SYNE1: variants seen among roughly 807,000 people sequenced by gnomAD.
SYNE1 encodes the protein spectrin repeat containing nuclear envelope protein 1.
Under a neutral mutation model 1,111.0 loss-of-function variants are expected in SYNE1, and 616 were observed. The ratio of observed to expected loss-of-function variants is 0.55; its 90% CI spans 0.52 to 0.59. SYNE1 has a LOEUF of 0.59. Among genes scored for constraint, SYNE1 ranks in the 20% least tolerant of loss-of-function variants. The pLI, the probability that SYNE1 is intolerant of heterozygous loss-of-function variation, is 0.00. For synonymous variants in SYNE1, 3,855 were observed against 3,825.8 expected (o/e 1.01, Z -0.28); for missense variants, 10,006 against 10,417.0 (o/e 0.96, Z 1.72).
intron 47 of SYNE1, 26 bp from the exon 48 acceptor site, chr6:152,399,849 G>A: frequency 6.3e-7 from 1 of 1,598,382 alleles, no homozygotes; most frequent in Non-Finnish European, 8.6e-7. Context: ...ATATTATGAA[G>A]GATATTCATA....
At position 152,329,647 on chromosome 6, in the gene SYNE1, T is replaced by C. The variant is rs1035121113; in HGVS notation, c.14955+83A>G. ...CGAAAGAAATATTTAAAGAAGCAAT[T>C]ATAACCAAGCAAACGAATTTCTTGT... On this transcript the variant is annotated intron_variant, in intron 78 of 145. Transcript: ENST00000367255. 2.5e-6 allele frequency: 4 copies of C among 1,583,350 alleles called. No homozygotes were observed. In the South Asian group the frequency reaches 4.5e-5, roughly 18 times the overall value.
intron 3 of SYNE1, among the ~76,000 whole-genome samples, chr6:152,541,849 T>C (rs2099272467): frequency 6.6e-6 from 1 of 151,296 alleles, no homozygotes; most frequent in Non-Finnish European, 1.5e-5. Context: ...TTGGGTAATA[T>C]GCTCACTAAC....
intron 4 of SYNE1, among the ~76,000 whole-genome samples, chr6:152,532,803 T>C (rs552880344): frequency 1.6e-4 from 25 of 152,238 alleles, no homozygotes; most frequent in African/African-American, 5.8e-4. Flanking sequence ...AGATTGTATA[T>C]GTAGAAAAAT....
intron 63 of SYNE1, 28 bp downstream of exon 63, chr6:152,364,819 C>G (rs1275344357): frequency 6.2e-7 from 1 of 1,613,868 alleles, no homozygotes; most frequent in African/African-American, 1.3e-5. Context: ...TAATAGCTTC[C>G]CCAGTGCTTG....
At chr6:152,541,529 A>C (rs1404596619) in intron 3 of SYNE1, among the ~76,000 whole-genome samples, 1 of 152,030 alleles carries the variant, frequency 6.6e-6, no homozygotes, top group Non-Finnish European at 1.5e-5. Flanking sequence ...CAGGCAGATT[A>C]CGAGGTCAGG....
In SYNE1 at chr6:152,415,789, TAAAAAAAAAA is replaced by T. The variant is rs1209590450; in HGVS notation, c.6050+588_6050+597del. Among the ~76,000 whole-genome samples the T allele has an allele frequency of 6.6e-4, 48 of 73,038 alleles. 1 individual carries two copies. The South Asian group carries it at 0.015, about 23-fold the overall frequency. 47.9% of individuals were successfully genotyped at this position (73,038 alleles called of 152,430 possible). A position where few individuals can be genotyped will look rare whatever the true frequency, so the allele number is the denominator to read the frequency against. On this transcript the variant is annotated intron_variant, in intron 41 of 145. Coordinates refer to ENST00000367255, the MANE Select transcript of SYNE1 (RefSeq NM_182961.4). ...GTCGTTAATCTTATCTTCAAAGTGG[TAAAAAAAAAA>T]AAAAAAAAAAAAAAAAGAAGAGGAA...
rs11387272 is a variant in SYNE1, at chr6:152,606,976, C to CTTTTTTTT, written c.67+21288_67+21289insAAAAAAAA. ...GCAAAAGGAAAGGCATGCCTCGGTT[C>CTTTTTTTT]TCTTTTTTTTTTTTTTTTTTTTTTT... On this transcript the variant is annotated intron_variant, in intron 3 of 145. Transcript: ENST00000367255. Among the ~76,000 whole-genome samples the CTTTTTTTT allele has an allele frequency of 1.2e-4, 13 of 109,136 alleles. 1 individual carries two copies. The highest frequency in any genetic ancestry group is 3.0e-4 in the African/African-American group (8 of 26,812). The allele number at this position is 109,136 out of a possible 152,430, so 71.6% of individuals were successfully genotyped here. A position where few individuals can be genotyped will look rare whatever the true frequency, so the allele number is the denominator to read the frequency against.
chr6:152,605,359 G>A (rs1385226501), intron 3 of SYNE1, among the ~76,000 whole-genome samples: 1 of 151,476 alleles, frequency 6.6e-6, no homozygotes, highest in East Asian at 1.9e-4. Flanking sequence ...ATAAAAAATG[G>A]AATCATGTTT....
chr6:152,130,358 T>C (rs1349596343), intron 145 of SYNE1, among the ~76,000 whole-genome samples: 2 of 152,182 alleles, frequency 1.3e-5, no homozygotes, highest in African/African-American at 2.4e-5. Flanking sequence ...CACTGATCGA[T>C]TACCTGTCTT....
At chr6:152,319,340 C>T (rs374639699) in intron 84 of SYNE1, among the ~76,000 whole-genome samples, 5 of 152,316 alleles carry the variant, frequency 3.3e-5, no homozygotes, top group East Asian at 1.9e-4. Context: ...CATTAACTAA[C>T]GTAATGACCT....
chr6:152,565,669 T>TA (rs397886571), intron 3 of SYNE1, among the ~76,000 whole-genome samples: 3,768 of 141,640 alleles, frequency 0.027, 130 homozygotes, highest in African/African-American at 0.083. Context: ...TGCTGAAGTT[T>TA]AAAAAAAAAA....
chr6:152,403,252 T>C (rs2097848422), intron 46 of SYNE1, among the ~76,000 whole-genome samples: 1 of 152,196 alleles, frequency 6.6e-6, no homozygotes, highest in African/African-American at 2.4e-5. Flanking sequence ...GCTTGGGCAC[T>C]GAAGTAGCCC....
Position 152,510,377 on chromosome 6 carries a change from T to G in SYNE1, c.403-6A>C. The G allele has an allele frequency of 6.2e-7, 1 of 1,613,734 alleles. No homozygotes were observed. The highest frequency in any genetic ancestry group is 1.3e-5 in the African/African-American group (1 of 75,020). ...TTGCTGGTCAACTCTTCAATCTGTTTGTGAGTTAACAGCCAGCAAAAATAT... is the reference window on the plus strand; with the variant it reads ...TTGCTGGTCAACTCTTCAATCTGTTGGTGAGTTAACAGCCAGCAAAAATAT... On this transcript the variant is annotated splice_region_variant and splice_polypyrimidine_tract_variant and intron_variant, in intron 7 of 145. Coordinates refer to ENST00000367255, the MANE Select transcript of SYNE1 (RefSeq NM_182961.4).
At chr6:152,612,932 T>C (rs1487977549) in intron 3 of SYNE1, among the ~76,000 whole-genome samples, 1 of 152,110 alleles carries the variant, frequency 6.6e-6, no homozygotes, top group Non-Finnish European at 1.5e-5. Context: ...AAAAGGCCTT[T>C]GACAAAATTC....
At position 152,318,078 on chromosome 6, in the gene SYNE1, T is replaced by C; in HGVS notation, c.16572+3A>G. On this transcript the variant is annotated splice_donor_region_variant and intron_variant, in intron 86 of 145. Coordinates refer to ENST00000367255, the MANE Select transcript of SYNE1 (RefSeq NM_182961.4). ...ATTTGGATTTCTGGCCCGGAACACATACCTGATTGAGCTTGGAGAGCCGAT... is the reference window on the plus strand; with the variant it reads ...ATTTGGATTTCTGGCCCGGAACACACACCTGATTGAGCTTGGAGAGCCGAT... 4 of 1,614,218 alleles carry C rather than the reference T, an allele frequency of 2.5e-6. No individual in the cohort carries two copies. The highest frequency in any genetic ancestry group is 2.2e-5 in the East Asian group (1 of 44,884).
chr6:152,596,275 T>G lies in SYNE1; in HGVS notation c.67+31990A>C, dbSNP rs1030351489. ...TTACAGTTTTTTGTTTGTTTGTTTT[T>G]TTTTTTTTTTGAGATGACGTCTCAC... On this transcript the variant is annotated intron_variant, in intron 3 of 145. Coordinates refer to ENST00000367255, the MANE Select transcript of SYNE1 (RefSeq NM_182961.4). Among the ~76,000 whole-genome samples the G allele has an allele frequency of 1.6e-3, 232 of 148,834 alleles. 1 individual carries two copies. The highest frequency in any genetic ancestry group is 7.0e-3 in the Middle Eastern group (2 of 286).
intron 66 of SYNE1, among the ~76,000 whole-genome samples, chr6:152,356,823 A>G (rs969989028): frequency 6.6e-6 from 1 of 152,176 alleles, no homozygotes; most frequent in African/African-American, 2.4e-5. Context: ...GGGGGAGGTT[A>G]GGTTTGCACC....
chr6:152,531,037 G>T (rs923327676), intron 4 of SYNE1, among the ~76,000 whole-genome samples: 1 of 151,848 alleles, frequency 6.6e-6, no homozygotes, highest in African/African-American at 2.4e-5. Context: ...AGTTGTCTAG[G>T]TTATCAGATC....
Position 152,510,921 on chromosome 6 carries a change from G to T in SYNE1, c.402+90C>A, listed in dbSNP as rs921113218. The T allele has an allele frequency of 3.4e-6, 4 of 1,173,942 alleles. No individual in the cohort carries two copies. In the East Asian group the frequency reaches 9.4e-5, roughly 28 times the overall value. The allele number at this position is 1,173,942 out of a possible 1,614,324, so 72.7% of individuals were successfully genotyped here. A position where few individuals can be genotyped will look rare whatever the true frequency, so the allele number is the denominator to read the frequency against. On this transcript the variant is annotated intron_variant, in intron 7 of 145. Coordinates refer to ENST00000367255, the MANE Select transcript of SYNE1 (RefSeq NM_182961.4). Reference sequence around the variant, plus strand: ...TGCTAAGTTAAGGATCAACCCCAAAGATATGGCAAATGAGAGCATTATTAA... The same window carrying T: ...TGCTAAGTTAAGGATCAACCCCAAATATATGGCAAATGAGAGCATTATTAA...
Sources: allele counts gnomAD v4.1 joint callset (sites outside exome capture counted in the v4.1 genomes callset), GRCh38; gene constraint gnomAD v4.1.1; transcripts MANE v1.5; gene names NCBI Gene and HGNC (gene_info 2026-07-23, HGNC 2026-07-21).